The following SRL variants were observed in gnomAD, a reference collection of about 807,000 sequenced individuals.
The protein encoded by SRL is sarcalumenin.
Under a neutral mutation model 39.5 loss-of-function variants are expected in SRL, and 23 were observed. That is an observed-to-expected ratio of 0.58 (90% CI 0.42 to 0.82). The LOEUF (loss-of-function observed/expected upper bound fraction) is 0.82, where lower values mean the gene tolerates loss of function less well. Ranked by LOEUF, SRL falls within the 40% of genes least tolerant of loss-of-function variation. SRL has a pLI of 0.00. For synonymous variants in SRL, 272 were observed against 237.4 expected, an observed-to-expected ratio of 1.15 and a Z score of -1.34; for missense variants, 592 against 607.8, an observed-to-expected ratio of 0.97 and a Z score of 0.27.
At chr16:4,212,764 A>G (rs2052409911) in intron 1 of SRL, among the ~76,000 whole-genome samples, 1 of 150,318 alleles carries the variant, frequency 6.7e-6, no homozygotes, top group Non-Finnish European at 1.5e-5. Context: ...ACACACAACA[A>G]TCCTGCTTCT....
chr16:4,242,042 C>T lies in SRL; in HGVS notation c.26G>A (p.Cys9Tyr), dbSNP rs2052778641. MRALVLLGCLLASLLFSGQ... is the reference protein window; with the variant it reads MRALVLLGYLLASLLFSGQ... ...TGAGAACAGGAGCGAGGCCAGGAGG[C>T]AGCCGAGCAGGACCAGCGCCCTCAT... The change falls in exon 1 of 6, where the codon TGC (cysteine) becomes TAC (tyrosine). Residue 9 changes from cysteine to tyrosine, a missense_variant. Transcript: ENST00000399609. 2 of 1,612,880 alleles carry T rather than the reference C, an allele frequency of 1.2e-6. No individual in the cohort carries two copies. Among genetic ancestry groups the T allele is most frequent in the Non-Finnish European group, 1.7e-6 (2 of 1,179,832 alleles).
At chr16:4,197,602 T>G (rs1012902823) in intron 4 of SRL, among the ~76,000 whole-genome samples, 197 bp downstream of exon 4, 11 of 151,636 alleles carry the variant, frequency 7.3e-5, no homozygotes, top group Non-Finnish European at 1.3e-4. Context: ...TTGTATTTTT[T>G]TTTTAGTAGA....
intron 1 of SRL, among the ~76,000 whole-genome samples, chr16:4,227,954 G>A (rs916184163): frequency 2.6e-5 from 4 of 152,252 alleles, no homozygotes; most frequent in Non-Finnish European, 5.9e-5. Flanking sequence ...CCAAAGGGCT[G>A]AGCGAAGGAG....
chr16:4,212,640 C>T (rs1049469182), intron 1 of SRL, among the ~76,000 whole-genome samples: 13 of 152,180 alleles, frequency 8.5e-5, no homozygotes, highest in South Asian at 4.1e-4. Flanking sequence ...GTGGCCCCCC[C>T]GACTCCGGCC....
intron 5 of SRL, 41 bp downstream of exon 5, chr16:4,195,499 AAAATAATTTTTTG>A: frequency 6.3e-7 from 1 of 1,575,606 alleles, no homozygotes; most frequent in Non-Finnish European, 8.7e-7. Flanking sequence ...TGCCTGGCCA[AAAATAATTTTTTG>A]AAACAGAGCT....
chr16:4,226,731 C>A (rs528526882), intron 1 of SRL, among the ~76,000 whole-genome samples: 6 of 146,704 alleles, frequency 4.1e-5, no homozygotes, highest in Admixed American at 1.4e-4. Context: ...TATGGATGAA[C>A]AGATGGATGG....
At chr16:4,234,685 C>T (rs1330607849) in intron 1 of SRL, among the ~76,000 whole-genome samples, 1 of 152,172 alleles carries the variant, frequency 6.6e-6, no homozygotes, top group Non-Finnish European at 1.5e-5. Context: ...GGATACCCAG[C>T]TAGGGATGAG....
intron 1 of SRL, among the ~76,000 whole-genome samples, chr16:4,228,239 T>C (rs62037576): frequency 0.43 from 65,060 of 151,452 alleles, 15,508 homozygotes; most frequent in Middle Eastern, 0.55. Context: ...GAGTTCAAGA[T>C]CAGCCTGGCC....
intron 1 of SRL, among the ~76,000 whole-genome samples, chr16:4,230,926 G>C (rs2052654004): frequency 6.6e-6 from 1 of 152,178 alleles, no homozygotes; most frequent in Non-Finnish European, 1.5e-5. Flanking sequence ...TGCTGGAAGA[G>C]GCAAGGAAGG....
intron 2 of SRL, among the ~76,000 whole-genome samples, 181 bp downstream of exon 2, chr16:4,204,352 G>A (rs1413064807): frequency 1.2e-5 from 1 of 83,324 alleles, no homozygotes; most frequent in East Asian, 3.5e-4. Flanking sequence ...CCTCCACGAA[G>A]CCTCCCACCT....
In SRL at chr16:4,209,252, G is replaced by A. The variant is rs375394670; in HGVS notation, c.62-4618C>T. ...CGCGCCACTGCACTCCAGGCTGGGC[G>A]ACAGAGTGAGACTCCATCTCAAAAA... On this transcript the variant is annotated intron_variant, in intron 1 of 5. Coordinates refer to ENST00000399609, the MANE Select transcript of SRL (RefSeq NM_001098814.2). Among the ~76,000 whole-genome samples the A allele has an allele frequency of 4.5e-4, 68 of 151,802 alleles. No homozygotes were observed. The East Asian group carries it at 4.8e-3, about 11-fold the overall frequency.
chr16:4,198,246 A>G (rs1450769485), intron 3 of SRL, among the ~76,000 whole-genome samples: 2 of 152,202 alleles, frequency 1.3e-5, no homozygotes, highest in African/African-American at 2.4e-5. Context: ...AAGCCCATAG[A>G]GAAAGGAGGA....
chr16:4,230,164 G>A (rs955330864), intron 1 of SRL, among the ~76,000 whole-genome samples: 6 of 151,970 alleles, frequency 3.9e-5, no homozygotes, highest in Non-Finnish European at 7.4e-5. Flanking sequence ...GAGATTCTCT[G>A]CCTGAGCCAG....
intron 1 of SRL, among the ~76,000 whole-genome samples, chr16:4,237,066 C>G (rs1464221155): frequency 6.6e-6 from 1 of 151,928 alleles, no homozygotes; most frequent in Non-Finnish European, 1.5e-5. Flanking sequence ...CTCAACCTCC[C>G]AAGTAGCTGG....
At position 4,191,071 on chromosome 16, in the gene SRL, G is replaced by A. The variant is rs2052056189; in HGVS notation, c.*1082C>T. The A allele has an allele frequency of 6.6e-6, 1 of 152,258 alleles. No individual in the cohort carries two copies. Among genetic ancestry groups the A allele is most frequent in the East Asian group, 1.9e-4 (1 of 5,202 alleles). 9.4% of individuals were successfully genotyped at this position (152,258 alleles called of 1,614,324 possible). The stretch of plus-strand genomic sequence containing the variant: ...CACTGCAAACCAATTAACCCTCTGA[G>A]CCCTTCCACGACCTTCACTACAGTC... On this transcript the variant is annotated 3_prime_UTR_variant, in exon 6 of 6. Transcript: ENST00000399609.
intron 1 of SRL, chr16:4,207,679 GC>G: frequency 2.4e-6 from 1 of 423,166 alleles, no homozygotes; most frequent in Non-Finnish European, 4.7e-6. Context: ...TCCGTGGGGA[GC>G]CCAAACCCAG....
rs1362093488 is a variant in SRL, at chr16:4,192,365, A to G, written c.1210T>C (p.Phe404Leu). The change falls in exon 6 of 6, where the codon TTC (phenylalanine) becomes CTC (leucine). Residue 404 changes from phenylalanine to leucine, a missense_variant. Coordinates refer to ENST00000399609, the MANE Select transcript of SRL (RefSeq NM_001098814.2). The surrounding 1 kb of genome is among the most constrained non-coding windows in gnomAD (Gnocchi z 4.0). ...DLPNREAYKD[F>L]FGINPISSFK... is the part of the protein sequence containing the mutation. ...CTGGAAATGGGATTGATGCCGAAGA[A>G]GTCCTTATAGGCCTCGCGGTTGGGA... 1 of 1,614,130 alleles carries G rather than the reference A, an allele frequency of 6.2e-7. No individual in the cohort carries two copies. Among genetic ancestry groups the G allele is most frequent in the African/African-American group, 1.3e-5 (1 of 74,954 alleles).
intron 1 of SRL, among the ~76,000 whole-genome samples, chr16:4,206,205 G>T (rs112830894): frequency 6.6e-6 from 1 of 152,106 alleles, no homozygotes; most frequent in Non-Finnish European, 1.5e-5. Context: ...GCTGCTTTAG[G>T]TGGGCACTTG....
At chr16:4,221,288 C>CTGCCT (rs1337125281) in intron 1 of SRL, among the ~76,000 whole-genome samples, 4 of 152,168 alleles carry the variant, frequency 2.6e-5, no homozygotes, top group African/African-American at 9.7e-5. Flanking sequence ...ACCTCGTGAT[C>CTGCCT]TGCCTGCCTC....
Sources: gnomAD v4.1 joint callset for allele counts (sites outside exome capture counted in the v4.1 genomes callset) on GRCh38, gnomAD v4.1.1 for gene constraint, Gnocchi (gnomAD v3.1) non-coding constraint, MANE v1.5 for transcripts, NCBI Gene and HGNC (gene_info 2026-07-23, HGNC 2026-07-21) for gene names.